Variants in ZRANB3 observed in about 807,000 individuals in gnomAD.
ZRANB3 encodes zinc finger RANBP2-type containing 3, also known as DNA annealing helicase and endonuclease ZRANB3.
Under a neutral mutation model 133.8 loss-of-function variants are expected in ZRANB3, and 125 were observed. The observed-to-expected ratio is 0.93, with a 90% confidence interval of 0.81 to 1.08. ZRANB3 has a LOEUF of 1.08. Ranked by LOEUF, ZRANB3 falls within the 50% of genes least tolerant of loss-of-function variation. The probability of loss-of-function intolerance (pLI) is 0.00; values close to 1 mark genes in which losing one functional copy is unlikely to be tolerated. For missense variants in ZRANB3, 1,229 were observed against 1,275.5 expected (o/e 0.96, Z 0.56); for synonymous variants, 387 against 432.7 (o/e 0.89, Z 1.31).
chr2:135,351,894 T>A (rs1405079634), intron 4 of ZRANB3, among the ~76,000 whole-genome samples: 2 of 152,134 alleles, frequency 1.3e-5, no homozygotes, highest in Non-Finnish European at 2.9e-5. Flanking sequence ...ATCTAACATA[T>A]CCCAAATACT....
chr2:135,525,969 T>C (rs189511052), intron 1 of ZRANB3, among the ~76,000 whole-genome samples: 1 of 152,178 alleles, frequency 6.6e-6, no homozygotes, highest in East Asian at 1.9e-4. Context: ...TGATTCCACT[T>C]ACATGAGGTA....
chr2:135,399,929 C>T (rs1687663123), intron 2 of ZRANB3, among the ~76,000 whole-genome samples: 1 of 152,116 alleles, frequency 6.6e-6, no homozygotes, highest in African/African-American at 2.4e-5. Flanking sequence ...GAACTTAGGA[C>T]TTTGAATTTA....
At chr2:135,307,163 C>T (rs1682747924) in intron 8 of ZRANB3, among the ~76,000 whole-genome samples, 1 of 152,168 alleles carries the variant, frequency 6.6e-6, no homozygotes, top group South Asian at 2.1e-4. Flanking sequence ...GCCTCCTGGG[C>T]TCAAGTGATT....
At chr2:135,238,399 T>C (rs1048865301) in intron 12 of ZRANB3, among the ~76,000 whole-genome samples, 1 of 151,768 alleles carries the variant, frequency 6.6e-6, no homozygotes, top group Non-Finnish European at 1.5e-5. Flanking sequence ...GTGACTTTTT[T>C]TTTTTTTTTT....
intron 12 of ZRANB3, among the ~76,000 whole-genome samples, chr2:135,250,216 G>C (rs183228867): frequency 3.3e-5 from 5 of 152,266 alleles, no homozygotes; most frequent in Non-Finnish European, 5.9e-5. Flanking sequence ...GTGGAACTTT[G>C]AACTTGAGAG....
chr2:135,509,214 A>G (rs1362614468), intron 1 of ZRANB3, among the ~76,000 whole-genome samples: 1 of 152,118 alleles, frequency 6.6e-6, no homozygotes, highest in East Asian at 1.9e-4. Flanking sequence ...GTCCATTATT[A>G]AAGTCACATT....
chr2:135,406,142 C>G (rs889561424), intron 2 of ZRANB3, among the ~76,000 whole-genome samples: 1 of 152,112 alleles, frequency 6.6e-6, no homozygotes, highest in Non-Finnish European at 1.5e-5. Flanking sequence ...AAGGGGATAT[C>G]ACCACCGATC....
intron 12 of ZRANB3, among the ~76,000 whole-genome samples, chr2:135,233,325 C>T (rs1695122037): frequency 6.6e-6 from 1 of 152,156 alleles, no homozygotes; most frequent in Non-Finnish European, 1.5e-5. Context: ...GATTGGTGTA[C>T]CTGAAACTGA....
chr2:135,265,384 A>T, intron 12 of ZRANB3, 150 bp downstream of exon 12: 1 of 725,332 alleles, frequency 1.4e-6, no homozygotes, highest in Non-Finnish European at 2.1e-6. Context: ...AAACAATATT[A>T]ATTTTTGGCT....
intron 2 of ZRANB3, among the ~76,000 whole-genome samples, chr2:135,397,544 T>C (rs1464551574): frequency 6.6e-6 from 1 of 152,190 alleles, no homozygotes; most frequent in Admixed American, 6.5e-5. Context: ...ATTTCTATTA[T>C]AGTTAAAGAT....
At chr2:135,518,300 T>C (rs1693783653) in intron 1 of ZRANB3, among the ~76,000 whole-genome samples, 3 of 151,874 alleles carry the variant, frequency 2.0e-5, no homozygotes, top group African/African-American at 2.4e-5. Context: ...GGAGCCACTG[T>C]GGTATGAAAA....
intron 8 of ZRANB3, among the ~76,000 whole-genome samples, chr2:135,276,923 G>T (rs1236076979): frequency 6.6e-6 from 1 of 152,124 alleles, no homozygotes; most frequent in African/African-American, 2.4e-5. Flanking sequence ...TTAAGTAGTT[G>T]ATTATGTGCA....
intron 12 of ZRANB3, among the ~76,000 whole-genome samples, chr2:135,264,226 A>T (rs1181176670): frequency 6.6e-6 from 1 of 151,742 alleles, no homozygotes; most frequent in Non-Finnish European, 1.5e-5. Flanking sequence ...TAATCCCAGC[A>T]CTTTGGAAGG....
chr2:135,530,421 T>C (rs1032222932), intron 1 of ZRANB3: 6 of 152,106 alleles, frequency 3.9e-5, no homozygotes, highest in African/African-American at 1.2e-4. Flanking sequence ...CCCCATCCCA[T>C]GTCACCCACT....
intron 2 of ZRANB3, among the ~76,000 whole-genome samples, chr2:135,459,685 T>G (rs1690681192): frequency 2.0e-5 from 3 of 152,168 alleles, no homozygotes; most frequent in African/African-American, 7.2e-5. Flanking sequence ...GAGCTTAACA[T>G]ATCTAGAAAT....
intron 2 of ZRANB3, among the ~76,000 whole-genome samples, chr2:135,448,361 T>G (rs1172494503): frequency 1.3e-5 from 2 of 152,210 alleles, no homozygotes; most frequent in African/African-American, 4.8e-5. Flanking sequence ...CCGCTATACA[T>G]TTACTTTGAA....
intron 1 of ZRANB3, among the ~76,000 whole-genome samples, chr2:135,529,647 T>C (rs376985897): frequency 6.6e-6 from 1 of 151,860 alleles, no homozygotes; most frequent in East Asian, 2.0e-4. Context: ...CTACAGATCC[T>C]ACAGATCTCT....
chr2:135,318,967 A>C (rs1683387540), intron 6 of ZRANB3, among the ~76,000 whole-genome samples: 1 of 152,194 alleles, frequency 6.6e-6, no homozygotes, highest in African/African-American at 2.4e-5. Flanking sequence ...GTAAGTTTTA[A>C]AATATACATA....
chr2:135,213,145 T>G (rs1443624970), intron 17 of ZRANB3, among the ~76,000 whole-genome samples: 1 of 151,748 alleles, frequency 6.6e-6, no homozygotes, highest in Non-Finnish European at 1.5e-5. Flanking sequence ...TTCAGTACTT[T>G]TAAGAGAGAA....
Sources: allele counts gnomAD v4.1 joint callset (sites outside exome capture counted in the v4.1 genomes callset), GRCh38; gene constraint gnomAD v4.1.1; transcripts MANE v1.5; gene names NCBI Gene and HGNC (gene_info 2026-07-23, HGNC 2026-07-21).